Variants in PALM2AKAP2 observed in about 807,000 individuals in gnomAD.
The protein encoded by PALM2AKAP2 is PALM2 and AKAP2 fusion.
In PALM2AKAP2, 37 loss-of-function variants were observed where a neutral mutation model predicts 71.5. That is an observed-to-expected ratio of 0.52 (90% confidence interval 0.40 to 0.68). The LOEUF (loss-of-function observed/expected upper bound fraction) is 0.68, where lower values mean the gene tolerates loss of function less well. Among genes scored for constraint, PALM2AKAP2 ranks in the 30% least tolerant of loss-of-function variants. The probability of loss-of-function intolerance (pLI) is 0.00; values close to 1 mark genes in which losing one functional copy is unlikely to be tolerated. For missense variants in PALM2AKAP2, 1,224 were observed against 1,191.8 expected (o/e 1.03, Z -0.40); for synonymous variants, 468 against 478.8 (o/e 0.98, Z 0.29).
chr9:109,714,587 A>C (rs1483511202), intron 1 of PALM2AKAP2, among the ~76,000 whole-genome samples: 1 of 152,196 alleles, frequency 6.6e-6, no homozygotes, highest in Non-Finnish European at 1.5e-5. Context: ...ACCTGTGCCC[A>C]CCAAGTCAAG....
chr9:110,015,227 G>A (rs1832957431), intron 6 of PALM2AKAP2, among the ~76,000 whole-genome samples: 1 of 152,168 alleles, frequency 6.6e-6, no homozygotes, highest in South Asian at 2.1e-4. Flanking sequence ...TGAATTAGAT[G>A]TGTGTATTTC....
chr9:110,109,803 G>T (rs1835204787), intron 1 of PALM2AKAP2, among the ~76,000 whole-genome samples: 1 of 152,020 alleles, frequency 6.6e-6, no homozygotes, highest in Non-Finnish European at 1.5e-5. Flanking sequence ...TTAATTCCAG[G>T]TTTAGGAGTT....
chr9:109,736,330 C>T (rs895920185), intron 1 of PALM2AKAP2, among the ~76,000 whole-genome samples: 2 of 152,100 alleles, frequency 1.3e-5, no homozygotes, highest in African/African-American at 4.8e-5. Context: ...TGATCATTTA[C>T]ATTTAAATTG....
chr9:109,924,178 G>T (rs756778504), intron 4 of PALM2AKAP2, among the ~76,000 whole-genome samples: 2 of 152,184 alleles, frequency 1.3e-5, no homozygotes, highest in Non-Finnish European at 2.9e-5. Context: ...CAATTCTGAT[G>T]AAGCAGAATA....
chr9:109,903,590 A>C (rs907524012), intron 3 of PALM2AKAP2, among the ~76,000 whole-genome samples: 6 of 152,344 alleles, frequency 3.9e-5, no homozygotes, highest in African/African-American at 1.4e-4. Flanking sequence ...CAAGGAGTTC[A>C]GTGTTGTGGA....
At chr9:110,060,744 G>A (rs981334570) in intron 1 of PALM2AKAP2, among the ~76,000 whole-genome samples, 1 of 152,088 alleles carries the variant, frequency 6.6e-6, no homozygotes, top group East Asian at 1.9e-4. Context: ...TGAGACTACA[G>A]GTACATGCCA....
chr9:109,775,577 A>G (rs1449377540), upstream of PALM2AKAP2, among the ~76,000 whole-genome samples: 1 of 152,246 alleles, frequency 6.6e-6, no homozygotes, highest in Non-Finnish European at 1.5e-5. Flanking sequence ...TTAAATGACC[A>G]TTTATTTTCA....
chr9:109,654,568 A>G (rs141954584), intron 1 of PALM2AKAP2, among the ~76,000 whole-genome samples: 24 of 152,310 alleles, frequency 1.6e-4, no homozygotes, highest in East Asian at 1.9e-4. Context: ...GAAGGACTCA[A>G]TATGTTCACT....
chr9:109,790,793 G>T (rs909869486), intron 1 of PALM2AKAP2, among the ~76,000 whole-genome samples: 4 of 152,190 alleles, frequency 2.6e-5, no homozygotes, highest in Non-Finnish European at 5.9e-5. Context: ...CTTTGAAAAT[G>T]TCCTTGCTCC....
intron 6 of PALM2AKAP2, among the ~76,000 whole-genome samples, chr9:110,009,223 G>A (rs987225502): frequency 2.7e-5 from 4 of 148,962 alleles, no homozygotes; most frequent in East Asian, 1.9e-4. Flanking sequence ...CCTTCCATGC[G>A]TGCCACTCTC....
intron 1 of PALM2AKAP2, among the ~76,000 whole-genome samples, chr9:109,783,545 CA>C (rs1431271660): frequency 8.5e-5 from 13 of 152,140 alleles, no homozygotes; most frequent in African/African-American, 3.1e-4. Context: ...GTGATCCTCC[CA>C]CCTCTGCCTC....
At chr9:109,842,428 G>A (rs1293570081) in intron 1 of PALM2AKAP2, among the ~76,000 whole-genome samples, 1 of 152,192 alleles carries the variant, frequency 6.6e-6, no homozygotes, top group African/African-American at 2.4e-5. Context: ...CAGCCTTTGT[G>A]ATGTTTGATT....
chr9:109,865,096 CT>C (rs58922983), intron 1 of PALM2AKAP2, among the ~76,000 whole-genome samples: 5 of 75,642 alleles, frequency 6.6e-5, no homozygotes, highest in Admixed American at 2.1e-4. Flanking sequence ...CTACTCATTC[CT>C]TTTTTTTTTT....
At chr9:109,844,827 A>G (rs1828804967) in intron 1 of PALM2AKAP2, among the ~76,000 whole-genome samples, 1 of 152,080 alleles carries the variant, frequency 6.6e-6, no homozygotes. Context: ...TACACAACTC[A>G]CATGTGACAT....
At chr9:110,125,593 C>T in intron 1 of PALM2AKAP2, 1 of 985,404 alleles carries the variant, frequency 1.0e-6, no homozygotes, top group South Asian at 4.7e-5. Flanking sequence ...GCGCTCTGGG[C>T]AGGGTAAGCC....
chr9:110,139,100 A>C (rs907893935), intron 2 of PALM2AKAP2, among the ~76,000 whole-genome samples: 1 of 152,234 alleles, frequency 6.6e-6, no homozygotes, highest in Admixed American at 6.5e-5. Context: ...AAGTCACCAC[A>C]AAGCAACTAC....
In PALM2AKAP2 at chr9:109,790,962, C is replaced by T. The variant is rs185154425; in HGVS notation, c.45+10429C>T. ...CTTTTCCAGGTGGTATGCAGGCAGT[C>T]TTGTTCATGAACATTGATGTCTGAG... is the stretch of plus-strand genomic sequence containing the variant. On this transcript the variant is annotated intron_variant, in intron 1 of 9. Coordinates refer to the PALM2AKAP2 transcript ENST00000302798. Among the ~76,000 whole-genome samples the T allele has an allele frequency of 2.5e-4, 38 of 152,294 alleles. 2 individuals carry two copies. In the East Asian group the frequency reaches 6.9e-3, roughly 28 times the overall value.
chr9:109,945,219 C>G (rs183452243), intron 6 of PALM2AKAP2: 5 of 152,100 alleles, frequency 3.3e-5, no homozygotes. Context: ...TTAATGAGCA[C>G]AAAATGGGTC....
chr9:109,881,925 C>G (rs956431871), intron 3 of PALM2AKAP2, among the ~76,000 whole-genome samples: 5 of 128,738 alleles, frequency 3.9e-5, no homozygotes, highest in Non-Finnish European at 7.9e-5. Flanking sequence ...CGCTCTGTCA[C>G]TAGGCTGGAG....
Sources: allele counts gnomAD v4.1 joint callset (sites outside exome capture counted in the v4.1 genomes callset), GRCh38; gene constraint gnomAD v4.1.1; transcripts MANE v1.5; gene names NCBI Gene and HGNC (gene_info 2026-07-23, HGNC 2026-07-21).